The following COL11A1 variants were observed in gnomAD, a reference collection of about 807,000 sequenced individuals.
COL11A1 encodes collagen alpha-1(XI) chain.
COL11A1 carries 74 observed loss-of-function variants against 265.2 expected under a neutral mutation model. The observed-to-expected ratio is 0.28, with a 90% CI of 0.23 to 0.34. COL11A1 has a LOEUF of 0.34. COL11A1 is among the 10% of genes least tolerant of loss of function. The pLI, the probability that COL11A1 is intolerant of heterozygous loss-of-function variation, is 1.00. For synonymous variants in COL11A1, 816 were observed against 727.6 expected (o/e 1.12, Z -1.96); for missense variants, 2,165 against 2,263.6 (o/e 0.96, Z 0.88).
chr1:103,104,587 A>T (rs893393843), intron 1 of COL11A1, among the ~76,000 whole-genome samples: 1 of 152,170 alleles, frequency 6.6e-6, no homozygotes, highest in Non-Finnish European at 1.5e-5. Flanking sequence ...TTATGAAGCA[A>T]ATTGTCACTT....
intron 4 of COL11A1, among the ~76,000 whole-genome samples, chr1:103,064,359 TCAG>T (rs1446813676): frequency 6.6e-6 from 1 of 152,060 alleles, no homozygotes; most frequent in Non-Finnish European, 1.5e-5. Flanking sequence ...AGAATGTTAT[TCAG>T]CAGTAAGAAG....
intron 50 of COL11A1, 150 bp from the exon 51 acceptor site, chr1:102,914,961 G>A: frequency 3.0e-6 from 2 of 669,376 alleles, no homozygotes; most frequent in Non-Finnish European, 5.1e-6. Context: ...TTGGAGTGTA[G>A]TGGCACAATC....
At chr1:102,883,161 A>T (rs2101025494) in intron 64 of COL11A1, 38 bp downstream of exon 64, 1 of 1,316,998 alleles carries the variant, frequency 7.6e-7, no homozygotes, top group Non-Finnish European at 1.1e-6. Flanking sequence ...CATGGCAGGA[A>T]CTGTCAACAT....
chr1:102,946,339 CA>C (rs200946361), intron 42 of COL11A1, among the ~76,000 whole-genome samples: 2,116 of 129,508 alleles, frequency 0.016, 48 homozygotes, highest in African/African-American at 0.053. Context: ...AACCCCCCCC[CA>C]AAAAATGTTA....
chr1:103,022,705 AAGAC>A lies in COL11A1; in HGVS notation c.1245+33_1245+36del, dbSNP rs760293013. 3 of 1,612,348 alleles carry A rather than the reference AAGAC, an allele frequency of 1.9e-6. No individual in the cohort carries two copies. The South Asian group carries it at 3.3e-5, about 18-fold the overall frequency. ...ATGGACATAAAAATATCCCATAAAT[AAGAC>A]ATACAATGACACAGTGCATAGTATC... On this transcript the variant is annotated intron_variant, in intron 8 of 66. Coordinates refer to ENST00000370096, the MANE Select transcript of COL11A1 (RefSeq NM_001854.4).
At chr1:103,059,561 G>A (rs1259273489) in intron 4 of COL11A1, among the ~76,000 whole-genome samples, 2 of 152,114 alleles carry the variant, frequency 1.3e-5, no homozygotes, top group Non-Finnish European at 2.9e-5. Flanking sequence ...AGAAAGGTTG[G>A]AATTATCATT....
intron 42 of COL11A1, among the ~76,000 whole-genome samples, chr1:102,945,299 T>C (rs547248957): frequency 6.6e-6 from 1 of 151,522 alleles, no homozygotes; most frequent in African/African-American, 2.4e-5. Flanking sequence ...GCCCTGTCTT[T>C]CTCCATCTAC....
Position 102,889,517 on chromosome 1 carries a change from C to G in COL11A1, c.4402G>C (p.Gly1468Arg). 1 of 1,613,612 alleles carries G rather than the reference C, an allele frequency of 6.2e-7. No homozygotes were observed. The highest frequency in any genetic ancestry group is 8.5e-7 in the Non-Finnish European group (1 of 1,179,786). Residue 1468 changes from glycine to arginine, a missense_variant, in exon 59 of 67, where the codon GGG (glycine) becomes CGG (arginine). Coordinates refer to ENST00000370096, the MANE Select transcript of COL11A1 (RefSeq NM_001854.4). The stretch of plus-strand genomic sequence containing the variant: ...GGGAGCCCTCGGTCACCTTTTTCCC[C>G]TTGTTCTCCTGGAGGACCAATCAGG... ...IGLIGPPGEQ[G>R]EKGDRGLPGT...
At chr1:102,913,774 C>T (rs981375081) in intron 52 of COL11A1, 84 bp from the exon 53 acceptor site, 5 of 1,211,286 alleles carry the variant, frequency 4.1e-6, no homozygotes, top group Non-Finnish European at 6.1e-6. Flanking sequence ...GTATGTTAGG[C>T]CATCTCTTGA....
intron 63 of COL11A1, chr1:102,884,350 C>G (rs1650671884): frequency 6.6e-6 from 1 of 152,306 alleles, no homozygotes; most frequent in Non-Finnish European, 1.5e-5. Flanking sequence ...CCCTGCCAAT[C>G]CCACCAGGAA....
chr1:102,951,669 G>T (rs2101470696), intron 41 of COL11A1, among the ~76,000 whole-genome samples: 1 of 152,228 alleles, frequency 6.6e-6, no homozygotes, highest in East Asian at 1.9e-4. Context: ...GAATCCGGGA[G>T]GTGGAGCTTG....
chr1:103,078,370 A>G (rs1014753907), intron 3 of COL11A1, among the ~76,000 whole-genome samples: 3 of 151,962 alleles, frequency 2.0e-5, no homozygotes, highest in Admixed American at 2.0e-4. Context: ...GCTTGATGTC[A>G]CTTCTTAAAA....
At chr1:102,964,588 GT>G (rs1452366798) in intron 38 of COL11A1, among the ~76,000 whole-genome samples, 1 of 6,654 alleles carries the variant, frequency 1.5e-4, no homozygotes, top group African/African-American at 1.8e-4. Context: ...TTCTCTAGGG[GT>G]GTGTGTGTGT....
chr1:102,967,232 T>TTTTTC (rs1661495492), intron 37 of COL11A1, among the ~76,000 whole-genome samples: 1 of 60,574 alleles, frequency 1.7e-5, no homozygotes, highest in Non-Finnish European at 3.3e-5. Context: ...AAATTCTTTT[T>TTTTTC]TTTTTTTTTT....
At chr1:102,944,717 C>T (rs955765111) in intron 42 of COL11A1, among the ~76,000 whole-genome samples, 1 of 152,108 alleles carries the variant, frequency 6.6e-6, no homozygotes, top group East Asian at 1.9e-4. Flanking sequence ...TTTTTATCCA[C>T]TTTAAAATCT....
intron 11 of COL11A1, 68 bp from the exon 12 acceptor site, chr1:103,015,810 C>CTTACG: frequency 8.5e-7 from 1 of 1,169,644 alleles, no homozygotes; most frequent in Non-Finnish European, 1.2e-6. Context: ...ACTAGAATAA[C>CTTACG]TTATAACGTA....
chr1:102,997,010 T>G (rs945082313), intron 26 of COL11A1, 70 bp downstream of exon 26: 23 of 1,274,312 alleles, frequency 1.8e-5, no homozygotes, highest in Non-Finnish European at 2.6e-5. Flanking sequence ...ATATATGAGA[T>G]GACCAAATTA....
chr1:102,950,159 G>A (rs1659736211), intron 41 of COL11A1, among the ~76,000 whole-genome samples: 1 of 152,028 alleles, frequency 6.6e-6, no homozygotes, highest in Non-Finnish European at 1.5e-5. Context: ...GGGTGTAGTG[G>A]CATGCACCTA....
intron 51 of COL11A1, 141 bp from the exon 52 acceptor site, chr1:102,914,546 GAATT>G: frequency 4.9e-6 from 5 of 1,030,200 alleles, no homozygotes; most frequent in South Asian, 3.0e-5. Flanking sequence ...AATTTCTAAA[GAATT>G]AATTCAATTG....
Sources: gnomAD v4.1 joint callset for allele counts (sites outside exome capture counted in the v4.1 genomes callset) on GRCh38, gnomAD v4.1.1 for gene constraint, MANE v1.5 for transcripts, NCBI Gene and HGNC (gene_info 2026-07-23, HGNC 2026-07-21) for gene names.